The following FOXO3 variants were observed in gnomAD, a reference collection of about 807,000 sequenced individuals.
FOXO3 encodes forkhead box protein O3.
In FOXO3, 4 loss-of-function variants were observed where a neutral mutation model predicts 41.9. The observed-to-expected ratio is 0.10, with a 90% CI of 0.05 to 0.22. The LOEUF (loss-of-function observed/expected upper bound fraction) is 0.22. FOXO3 is among the 10% of genes least tolerant of loss of function. The pLI, the probability that FOXO3 is intolerant of heterozygous loss-of-function variation, is 1.00. For synonymous variants in FOXO3, 318 were observed against 389.3 expected, an observed-to-expected ratio of 0.82 and a Z score of 2.16; for missense variants, 534 against 906.8, an observed-to-expected ratio of 0.59 and a Z score of 5.28.
At position 108,561,360 on chromosome 6, in the gene FOXO3, C is replaced by T. The variant is rs540196548; in HGVS notation, c.152C>T (p.Thr51Met). ...QASPAKPSGE[T>M]AADSMIPEEE... ...AGCCCTGCCAAGCCCTCGGGGGAGACGGCCGCCGACTCCATGATCCCCGAG... is the reference window on the plus strand; with the variant it reads ...AGCCCTGCCAAGCCCTCGGGGGAGATGGCCGCCGACTCCATGATCCCCGAG... Residue 51 changes from threonine (T) to methionine (M), a missense_variant, in exon 1 of 3, where the codon ACG becomes ATG. Physicochemically the swap from Thr to Met is moderately conservative, Grantham distance 81. Transcript: ENST00000406360. 2.6e-5 allele frequency: 41 copies of T among 1,563,620 alleles called. No individual in the cohort carries two copies. In the African/African-American group the frequency reaches 3.5e-4, roughly 13 times the overall value.
chr6:108,679,523 C>T (rs1387324071), intron 2 of FOXO3, among the ~76,000 whole-genome samples: 1 of 152,156 alleles, frequency 6.6e-6, no homozygotes, highest in Non-Finnish European at 1.5e-5. Flanking sequence ...AAAGGACCCA[C>T]CAAAACACCC....
rs193102359 is a variant in FOXO3, at chr6:108,570,038, C to T, written c.621+8209C>T. The stretch of plus-strand genomic sequence containing the variant: ...TTTTTGAGACAGAATCTCGCTCTGT[C>T]GCCTAGGCTGGAGTGCAGTGGCGTG... On this transcript the variant is annotated intron_variant, in intron 1 of 2. Coordinates refer to ENST00000406360, the MANE Select transcript of FOXO3 (RefSeq NM_001455.4). 7.6e-3 allele frequency among the ~76,000 whole-genome samples: 893 copies of T among 118,116 alleles called. 13 individuals carry two copies. The highest frequency in any genetic ancestry group is 0.028 in the African/African-American group (840 of 29,792). The allele number at this position is 118,116 out of a possible 152,430, so 77.5% of individuals were successfully genotyped here.
intron 1 of FOXO3, among the ~76,000 whole-genome samples, chr6:108,617,626 G>GT (rs201587748): frequency 0.021 from 3,271 of 152,246 alleles, 119 homozygotes; most frequent in African/African-American, 0.073. Context: ...ATTTTTATGG[G>GT]TTTTTTGTTT....
At chr6:108,614,448 G>A (rs1410668322) in intron 1 of FOXO3, among the ~76,000 whole-genome samples, 2 of 152,066 alleles carry the variant, frequency 1.3e-5, no homozygotes, top group Non-Finnish European at 2.9e-5. Flanking sequence ...CTGATACATT[G>A]ACTCTTCTAT....
chr6:108,561,066 C>A lies in FOXO3; in HGVS notation c.-143C>A. 7.0e-7 allele frequency: 1 copy of A among 1,424,464 alleles called. No individual in the cohort carries two copies. The highest frequency in any genetic ancestry group is 1.4e-5 in the South Asian group (1 of 68,984). 88.2% of individuals were successfully genotyped at this position (1,424,464 alleles called of 1,614,324 possible). On this transcript the variant is annotated 5_prime_UTR_variant, in exon 1 of 3. Coordinates refer to ENST00000406360, the MANE Select transcript of FOXO3 (RefSeq NM_001455.4). ...CCGGGATAACCAACTCTCCTTCTCTCTTCTTTGGTGCTTCCCCAGGCGGCG... is the reference window on the plus strand; with the variant it reads ...CCGGGATAACCAACTCTCCTTCTCTATTCTTTGGTGCTTCCCCAGGCGGCG...
intron 1 of FOXO3, among the ~76,000 whole-genome samples, chr6:108,620,434 C>T (rs1777634908): frequency 2.0e-5 from 3 of 152,108 alleles, no homozygotes. Flanking sequence ...GCAGAAGTTT[C>T]TCCCAAAAAC....
intron 1 of FOXO3, among the ~76,000 whole-genome samples, chr6:108,632,487 C>G (rs568116660): frequency 1.3e-5 from 2 of 152,346 alleles, no homozygotes; most frequent in African/African-American, 4.8e-5. Context: ...AGTAATTTCT[C>G]TTTCTCCCCT....
chr6:108,664,675 C>G lies in FOXO3; in HGVS notation c.1842C>G (p.Asp614Glu), dbSNP rs1778998219. 1 of 1,035,608 alleles carries G rather than the reference C, an allele frequency of 9.7e-7. No homozygotes were observed. Among genetic ancestry groups the G allele is most frequent in the Non-Finnish European group, 1.5e-6 (1 of 672,732 alleles). The allele number at this position is 1,035,608 out of a possible 1,614,324, so 64.2% of individuals were successfully genotyped here. The change falls in exon 2 of 3, where the codon GAC (aspartate) becomes GAG (glutamate). Residue 614 changes from aspartate (D) to glutamate (E), a missense_variant. Physicochemically the swap from Asp to Glu is conservative, Grantham distance 45 (BLOSUM62 2). Transcript: ENST00000406360. ...AGTTCCCCAGCGACTTGGACCTGGA[C>G]ATGTTCAATGGGAGCTTGGAATGTG... ...HEKFPSDLDL[D>E]MFNGSLECDM...
intron 1 of FOXO3, 123 bp from the exon 2 acceptor site, chr6:108,663,332 G>C: frequency 7.1e-7 from 1 of 1,403,082 alleles, no homozygotes; most frequent in Non-Finnish European, 9.5e-7. Context: ...GGGCAGCAGA[G>C]TGAGACCTTG....
chr6:108,595,917 T>C (rs1375458196), intron 1 of FOXO3, among the ~76,000 whole-genome samples: 2 of 152,202 alleles, frequency 1.3e-5, no homozygotes, highest in Non-Finnish European at 2.9e-5. Context: ...GGGCCAAGTA[T>C]AGAATATTTT....
At chr6:108,626,896 G>A (rs529744592) in intron 1 of FOXO3, among the ~76,000 whole-genome samples, 2 of 152,332 alleles carry the variant, frequency 1.3e-5, no homozygotes, top group East Asian at 1.9e-4. Context: ...TTTTTGACAC[G>A]AAAAGGTTGG....
chr6:108,638,872 T>A (rs1037418149), intron 1 of FOXO3, among the ~76,000 whole-genome samples: 2 of 152,184 alleles, frequency 1.3e-5, no homozygotes, highest in African/African-American at 4.8e-5. Flanking sequence ...ATTTCTCTCA[T>A]CCTCAAGTTA....
intron 1 of FOXO3, among the ~76,000 whole-genome samples, chr6:108,632,203 G>A (rs527545500): frequency 6.6e-6 from 1 of 152,154 alleles, no homozygotes; most frequent in Non-Finnish European, 1.5e-5. Flanking sequence ...GGTGCTAGGC[G>A]CTATGGGGTC....
At chr6:108,653,375 C>G (rs12154031) in intron 1 of FOXO3, among the ~76,000 whole-genome samples, 14,783 of 152,112 alleles carry the variant, frequency 0.097, 743 homozygotes, top group East Asian at 0.15. Context: ...AGACTGCACC[C>G]TGCATTTTAT....
chr6:108,644,508 G>A (rs1778342842), intron 1 of FOXO3, among the ~76,000 whole-genome samples: 1 of 152,006 alleles, frequency 6.6e-6, no homozygotes. Flanking sequence ...TTTCAGTGGT[G>A]ACTCCTTTCT....
chr6:108,650,025 C>T (rs866008729), intron 1 of FOXO3, among the ~76,000 whole-genome samples: 1 of 152,050 alleles, frequency 6.6e-6, no homozygotes, highest in Non-Finnish European at 1.5e-5. Flanking sequence ...ACACATCGTT[C>T]CCATTAGCAA....
intron 2 of FOXO3, among the ~76,000 whole-genome samples, chr6:108,669,923 T>A (rs1410030389): frequency 3.9e-5 from 6 of 152,220 alleles, no homozygotes; most frequent in Non-Finnish European, 8.8e-5. Flanking sequence ...AGAGAGCTCA[T>A]GTAGAACACA....
chr6:108,573,079 G>C (rs984932987), intron 1 of FOXO3, among the ~76,000 whole-genome samples: 7 of 152,146 alleles, frequency 4.6e-5, no homozygotes, highest in African/African-American at 1.4e-4. Context: ...GAGGTCAGGA[G>C]ATCGAGACCA....
rs898614707 is a variant in FOXO3, at chr6:108,684,740, G to A, written c.*4948G>A. On this transcript the variant is annotated 3_prime_UTR_variant, in exon 3 of 3. Coordinates refer to ENST00000406360, the MANE Select transcript of FOXO3 (RefSeq NM_001455.4). ...TCTAGTTTGTAAAAGAGATGGTGAC[G>A]CATGTAAATAAAGCATCAGTGACAC... is the stretch of plus-strand genomic sequence containing the variant. 3.9e-5 allele frequency: 6 copies of A among 152,516 alleles called. No individual in the cohort carries two copies. Among genetic ancestry groups the A allele is most frequent in the Admixed American group, 1.3e-4 (2 of 15,264 alleles). The allele number at this position is 152,516 out of a possible 1,614,324, so 9.4% of individuals were successfully genotyped here.
Sources: allele counts gnomAD v4.1 joint callset (sites outside exome capture counted in the v4.1 genomes callset), GRCh38; gene constraint gnomAD v4.1.1; transcripts MANE v1.5; gene names NCBI Gene and HGNC (gene_info 2026-07-23, HGNC 2026-07-21).